AUTS2: variants seen among roughly 807,000 people sequenced by gnomAD.
AUTS2 encodes the protein autism susceptibility gene 2 protein.
In AUTS2, 17 loss-of-function variants were observed where a neutral mutation model predicts 112.4. The ratio of observed to expected loss-of-function variants is 0.15; its 90% CI spans 0.10 to 0.23. The LOEUF is 0.23. Ranked by LOEUF, AUTS2 falls within the 10% of genes least tolerant of loss-of-function variation. AUTS2 has a pLI of 1.00. For missense variants in AUTS2, 1,510 were observed against 1,701.6 expected, an observed-to-expected ratio of 0.89 and a Z score of 1.98; for synonymous variants, 751 against 702.7, an observed-to-expected ratio of 1.07 and a Z score of -1.09.
intron 5 of AUTS2, among the ~76,000 whole-genome samples, chr7:70,589,268 C>T (rs535044956): frequency 7.0e-6 from 1 of 143,706 alleles, no homozygotes; most frequent in East Asian, 1.9e-4. Flanking sequence ...TCCACTCCTC[C>T]CATGTGGGGA....
rs151107113 is a variant in AUTS2, at chr7:69,620,077, T to G, written c.309+20115T>G. The stretch of plus-strand genomic sequence containing the variant: ...GACATTAAAGCTTCCAGGGACCTTT[T>G]GAATTGGTTGGATTTTATTAGCAGC... On this transcript the variant is annotated intron_variant, in intron 1 of 18. Coordinates refer to ENST00000342771, the MANE Select transcript of AUTS2 (RefSeq NM_015570.4). Among the ~76,000 whole-genome samples the G allele has an allele frequency of 7.9e-3, 1,196 of 152,294 alleles. 13 individuals carry two copies. Among genetic ancestry groups the G allele is most frequent in the South Asian group, 0.019 (92 of 4,826 alleles).
intron 2 of AUTS2, among the ~76,000 whole-genome samples, chr7:70,110,560 TAG>T (rs1805019134): frequency 6.6e-6 from 1 of 152,102 alleles, no homozygotes; most frequent in African/African-American, 2.4e-5. Flanking sequence ...ATTATTAACT[TAG>T]TTTTTCTACT....
chr7:70,786,940 C>A, intron 17 of AUTS2: 1 of 533,400 alleles, frequency 1.9e-6, no homozygotes, highest in South Asian at 2.0e-5. Context: ...CATCTCAGTA[C>A]CCATTTGGTC....
At chr7:69,929,745 T>C (rs999700519) in intron 2 of AUTS2, among the ~76,000 whole-genome samples, 2 of 152,226 alleles carry the variant, frequency 1.3e-5, no homozygotes, top group Non-Finnish European at 2.9e-5. Flanking sequence ...GTTTGAACTT[T>C]TGGAATACAG....
rs372631076 is a variant in AUTS2 at position 70,549,481 on chromosome 7, C to G, written c.690+113700C>G. ...GGCAACTTTTGGAATTTTAAATGAGCCTTACAGAGGCAAAGGGAAGAATGG... is the reference window on the plus strand; with the variant it reads ...GGCAACTTTTGGAATTTTAAATGAGGCTTACAGAGGCAAAGGGAAGAATGG... On this transcript the variant is annotated intron_variant, in intron 5 of 18. Transcript: ENST00000342771. Among the ~76,000 whole-genome samples, 5 of 152,214 alleles carry G rather than the reference C, an allele frequency of 3.3e-5. No homozygotes were observed. In the South Asian group the frequency reaches 1.0e-3, roughly 32 times the overall value.
intron 5 of AUTS2, among the ~76,000 whole-genome samples, chr7:70,483,116 C>T (rs946045168): frequency 2.0e-5 from 3 of 152,246 alleles, no homozygotes; most frequent in African/African-American, 7.2e-5. Context: ...CAGATGGGCA[C>T]ATCACCTCTC....
intron 5 of AUTS2, among the ~76,000 whole-genome samples, chr7:70,438,916 A>G (rs1222442988): frequency 2.0e-5 from 3 of 152,222 alleles, no homozygotes; most frequent in Non-Finnish European, 4.4e-5. Flanking sequence ...TTCTCTCTGG[A>G]AGACCTGCCA....
At chr7:70,674,738 A>T (rs17501960) in intron 5 of AUTS2, among the ~76,000 whole-genome samples, 5,472 of 152,282 alleles carry the variant, frequency 0.036, 149 homozygotes, top group Non-Finnish European at 0.058. Context: ...TCTAGATTTA[A>T]AAGCAGGCTC....
chr7:70,077,342 G>A (rs924282929), intron 2 of AUTS2, among the ~76,000 whole-genome samples: 1 of 152,176 alleles, frequency 6.6e-6, no homozygotes, highest in Non-Finnish European at 1.5e-5. Context: ...CGTCCCAGTA[G>A]TTGGCAAAGT....
intron 2 of AUTS2, among the ~76,000 whole-genome samples, chr7:70,006,105 T>C (rs1340898716): frequency 6.6e-6 from 1 of 152,164 alleles, no homozygotes; most frequent in Non-Finnish European, 1.5e-5. Context: ...TGCCCCGTCC[T>C]CAGAACATTG....
At chr7:69,633,473 T>C (rs1448247675) in intron 1 of AUTS2, among the ~76,000 whole-genome samples, 3 of 152,172 alleles carry the variant, frequency 2.0e-5, no homozygotes, top group East Asian at 1.9e-4. Flanking sequence ...AGAAGAGAGA[T>C]TGCTGGGTCA....
intron 4 of AUTS2, among the ~76,000 whole-genome samples, chr7:70,265,531 C>A (rs1439636237): frequency 6.6e-6 from 1 of 152,098 alleles, no homozygotes; most frequent in Non-Finnish European, 1.5e-5. Context: ...CTTTATAGAT[C>A]AGTTCTCCCA....
chr7:70,783,660 A>G (rs1030819775), intron 15 of AUTS2: 6 of 152,218 alleles, frequency 3.9e-5, no homozygotes, highest in African/African-American at 1.4e-4. Context: ...TGCCCAAAAT[A>G]GTTATTTGGT....
chr7:69,899,378 C>T lies in AUTS2; in HGVS notation c.402C>T (p.Ser134=), dbSNP rs368318029. ...KKREALTNGL[S]FHSKKSRLSH... is the part of the protein sequence containing the mutation. ...GAGAAGCACTTACCAATGGCTTGTC[C>T]TTTCATTCAAAGAAGAGCAGACTCA... The change falls in exon 2 of 19, where the codon TCC becomes TCT. Residue 134 remains serine, a synonymous_variant. Coordinates refer to ENST00000342771, the MANE Select transcript of AUTS2 (RefSeq NM_015570.4). 2.6e-5 allele frequency: 42 copies of T among 1,613,926 alleles called. No homozygotes were observed. In the African/African-American group the frequency reaches 4.8e-4, roughly 18 times the overall value.
At chr7:70,018,360 C>A (rs1222372405) in intron 2 of AUTS2, among the ~76,000 whole-genome samples, 1 of 152,112 alleles carries the variant, frequency 6.6e-6, no homozygotes, top group Non-Finnish European at 1.5e-5. Flanking sequence ...CAGTGAACAT[C>A]TGTATTTCAC....
intron 2 of AUTS2, among the ~76,000 whole-genome samples, chr7:70,079,106 A>C (rs929679721): frequency 6.6e-6 from 1 of 152,214 alleles, no homozygotes; most frequent in African/African-American, 2.4e-5. Flanking sequence ...AGGATAGCCC[A>C]GTCATAAGTG....
chr7:70,270,256 T>A (rs937788672), intron 4 of AUTS2, among the ~76,000 whole-genome samples: 1 of 151,988 alleles, frequency 6.6e-6, no homozygotes, highest in Admixed American at 6.6e-5. Flanking sequence ...ATATGGCAGG[T>A]CCCAGCAAAT....
chr7:70,095,463 G>A (rs1040094764), intron 2 of AUTS2, among the ~76,000 whole-genome samples: 1 of 152,120 alleles, frequency 6.6e-6, no homozygotes, highest in East Asian at 1.9e-4. Context: ...TTATTTTGGA[G>A]ACATTTTCAG....
At chr7:70,389,047 C>T (rs1793735552) in intron 4 of AUTS2, among the ~76,000 whole-genome samples, 1 of 152,074 alleles carries the variant, frequency 6.6e-6, no homozygotes, top group Non-Finnish European at 1.5e-5. Flanking sequence ...GAAAGAGCCT[C>T]CCAAAAAGTA....
Sources: gnomAD v4.1 joint callset for allele counts (sites outside exome capture counted in the v4.1 genomes callset) on GRCh38, gnomAD v4.1.1 for gene constraint, MANE v1.5 for transcripts, NCBI Gene and HGNC (gene_info 2026-07-23, HGNC 2026-07-21) for gene names.